Variants in DPP6 observed in about 807,000 individuals in gnomAD.
The protein encoded by DPP6 is dipeptidyl peptidase like 6, also known as A-type potassium channel modulatory protein DPP6.
Under a neutral mutation model 122.6 loss-of-function variants are expected in DPP6, and 69 were observed. The observed-to-expected ratio is 0.56, with a 90% CI of 0.46 to 0.69. The LOEUF is 0.69. DPP6 is among the 30% of genes least tolerant of loss of function. The pLI, the probability that DPP6 is intolerant of heterozygous loss-of-function variation, is 0.00. For synonymous variants in DPP6, 418 were observed against 433.1 expected (o/e 0.97, Z 0.43); for missense variants, 928 against 1,116.9 (o/e 0.83, Z 2.41).
chr7:154,641,000 T>C (rs61448380), intron 6 of DPP6, among the ~76,000 whole-genome samples: 43,218 of 151,780 alleles, frequency 0.28, 6,377 homozygotes, highest in African/African-American at 0.39. Context: ...CCAGAGAAAA[T>C]GGTCTAATTA....
intron 1 of DPP6, among the ~76,000 whole-genome samples, chr7:154,203,531 T>G (rs2150790598): frequency 6.6e-6 from 1 of 152,164 alleles, no homozygotes; most frequent in East Asian, 1.9e-4. Context: ...CCCCTCCAGG[T>G]TTGCAGTCAA....
chr7:154,512,391 G>T lies in DPP6; in HGVS notation c.458-28141G>T, dbSNP rs145283065. ...TATTATTTTTCATGACAGTATCATT[G>T]ATAATTCTAATGGTAATTTTTCCTT... On this transcript the variant is annotated intron_variant, in intron 3 of 25. Coordinates refer to ENST00000377770, the MANE Select transcript of DPP6 (RefSeq NM_130797.4). Among the ~76,000 whole-genome samples, 11 of 152,250 alleles carry T rather than the reference G, an allele frequency of 7.2e-5. No individual in the cohort carries two copies. The East Asian group carries it at 2.1e-3, about 29-fold the overall frequency.
chr7:154,061,828 C>CCA (rs1801978867), intron 1 of DPP6, among the ~76,000 whole-genome samples: 1 of 138,376 alleles, frequency 7.2e-6, no homozygotes. Context: ...CCCTCTTCCC[C>CCA]CCTTTGCTCT....
In DPP6 at chr7:154,700,554, G is replaced by A. The variant is rs537450564; in HGVS notation, c.763-27213G>A. On this transcript the variant is annotated intron_variant, in intron 7 of 25. Transcript: ENST00000377770. ...TTCAGGGAGTTTGCTGCTGTTGCAC[G>A]TGATTTTCTTGGGCTGGTTCAGCCT... 2.4e-4 allele frequency among the ~76,000 whole-genome samples: 36 copies of A among 152,322 alleles called. No individual in the cohort carries two copies. The Middle Eastern group carries it at 0.017, about 72-fold the overall frequency.
At chr7:154,304,770 C>T (rs1029001296) in intron 1 of DPP6, among the ~76,000 whole-genome samples, 6 of 152,224 alleles carry the variant, frequency 3.9e-5, no homozygotes, top group Admixed American at 2.6e-4. Context: ...AAGCTGCCTG[C>T]CTCCGGTGCT....
chr7:154,513,832 A>G (rs930453185), intron 3 of DPP6, among the ~76,000 whole-genome samples: 3 of 152,212 alleles, frequency 2.0e-5, no homozygotes, highest in Non-Finnish European at 4.4e-5. Flanking sequence ...GCACTTCTGA[A>G]TATGCCACTG....
intron 1 of DPP6, among the ~76,000 whole-genome samples, chr7:153,998,957 C>A (rs1353601749): frequency 1.3e-5 from 2 of 152,362 alleles, no homozygotes; most frequent in African/African-American, 4.8e-5. Flanking sequence ...CTAGAGTGAG[C>A]TGGCAGCCTG....
chr7:153,965,963 A>G (rs1224184692), intron 1 of DPP6, among the ~76,000 whole-genome samples: 1 of 151,552 alleles, frequency 6.6e-6, no homozygotes, highest in African/African-American at 2.4e-5. Context: ...GAAGTTCCCT[A>G]CAGAGAAAGT....
intron 1 of DPP6, among the ~76,000 whole-genome samples, chr7:153,955,733 C>T (rs1164311015): frequency 6.6e-6 from 1 of 152,150 alleles, no homozygotes; most frequent in East Asian, 1.9e-4. Context: ...GTCACTGCGC[C>T]CGGCCCGTTG....
intron 1 of DPP6, among the ~76,000 whole-genome samples, chr7:154,200,715 A>G (rs1269755789): frequency 1.3e-5 from 2 of 152,166 alleles, no homozygotes; most frequent in African/African-American, 4.8e-5. Context: ...TCTTTGGAAG[A>G]ATAGTGAATG....
the DPP6 span, among the ~76,000 whole-genome samples, chr7:153,806,635 C>T: frequency 1.3e-5 from 2 of 152,028 alleles, no homozygotes; most frequent in African/African-American, 4.8e-5. Flanking sequence ...TTACATGTCT[C>T]ATCATTCCTG....
intron 1 of DPP6, among the ~76,000 whole-genome samples, chr7:154,254,998 A>G (rs1802567748): frequency 6.6e-6 from 1 of 152,208 alleles, no homozygotes; most frequent in Admixed American, 6.5e-5. Context: ...GCAAAACTAA[A>G]GAGAATTGCA....
At chr7:153,828,631 A>G in the DPP6 span, among the ~76,000 whole-genome samples, 1 of 152,196 alleles carries the variant, frequency 6.6e-6, no homozygotes, top group Non-Finnish European at 1.5e-5. Flanking sequence ...AAATATGGAA[A>G]TAGGTATGCA....
At chr7:154,820,994 A>T (rs1799724512) in intron 16 of DPP6, among the ~76,000 whole-genome samples, 1 of 152,036 alleles carries the variant, frequency 6.6e-6, no homozygotes, top group South Asian at 2.1e-4. Context: ...GCCCCATGAA[A>T]CGTGTTCTTC....
intron 1 of DPP6, among the ~76,000 whole-genome samples, chr7:154,236,934 C>T (rs186215381): frequency 6.6e-6 from 1 of 152,200 alleles, no homozygotes; most frequent in African/African-American, 2.4e-5. Context: ...AACCTCCCTC[C>T]ACACAGCCCC....
upstream of DPP6, among the ~76,000 whole-genome samples, chr7:153,884,987 A>AATACATATATATATATATATATATAT (rs1209555021): frequency 6.0e-5 from 7 of 116,458 alleles, no homozygotes; most frequent in African/African-American, 1.7e-4. Context: ...TCAAAACAAA[A>AATACATATATATATATATATATATAT]ATATATATAT....
chr7:154,699,549 A>G (rs1840398982), intron 7 of DPP6, among the ~76,000 whole-genome samples: 1 of 152,214 alleles, frequency 6.6e-6, no homozygotes, highest in Non-Finnish European at 1.5e-5. Flanking sequence ...TGTTACTTTC[A>G]GCTGCAAGAG....
intron 1 of DPP6, among the ~76,000 whole-genome samples, chr7:154,097,924 T>C (rs12154225): frequency 0.51 from 77,258 of 151,964 alleles, 19,621 homozygotes; most frequent in East Asian, 0.66. Context: ...GACAGCAGCG[T>C]AGCCCCTTCC....
intron 1 of DPP6, among the ~76,000 whole-genome samples, chr7:154,246,970 G>A (rs923478520): frequency 6.6e-6 from 1 of 152,168 alleles, no homozygotes; most frequent in Non-Finnish European, 1.5e-5. Context: ...TTGATCAATT[G>A]GACTTTATCA....
Sources: gnomAD v4.1 joint callset for allele counts (sites outside exome capture counted in the v4.1 genomes callset) on GRCh38, gnomAD v4.1.1 for gene constraint, MANE v1.5 for transcripts, NCBI Gene and HGNC (gene_info 2026-07-23, HGNC 2026-07-21) for gene names.